Variants in COG4 observed in about 807,000 individuals in gnomAD.
COG4 encodes conserved oligomeric Golgi complex subunit 4.
COG4 carries 65 observed loss-of-function variants against 95.1 expected under a neutral mutation model. That is an observed-to-expected ratio of 0.68 (90% CI 0.56 to 0.84). The LOEUF (loss-of-function observed/expected upper bound fraction) is 0.84, where lower values mean the gene tolerates loss of function less well. Ranked by LOEUF, COG4 falls within the 40% of genes least tolerant of loss-of-function variation. COG4 has a pLI of 0.00. For missense variants in COG4, 1,045 were observed against 989.1 expected (o/e 1.06, Z -0.76); for synonymous variants, 421 against 374.8 (o/e 1.12, Z -1.42).
chr16:70,508,319 A>T, intron 8 of COG4, 87 bp downstream of exon 8: 1 of 1,094,002 alleles, frequency 9.1e-7, no homozygotes, highest in Non-Finnish European at 1.4e-6. Flanking sequence ...AAAAACATAG[A>T]CCACATTGTA....
chr16:70,515,628 C>T (rs1442029649), intron 3 of COG4, among the ~76,000 whole-genome samples: 1 of 152,004 alleles, frequency 6.6e-6, no homozygotes, highest in African/African-American at 2.4e-5. Context: ...AGGTTGCACA[C>T]GCTGAGATCA....
chr16:70,484,752 A>G (rs1302977794), intron 13 of COG4, among the ~76,000 whole-genome samples: 2 of 152,202 alleles, frequency 1.3e-5, no homozygotes, highest in African/African-American at 2.4e-5. Flanking sequence ...TTAAAGAATT[A>G]GCTGGATGTA....
chr16:70,516,302 T>C (rs1018312173), intron 3 of COG4, among the ~76,000 whole-genome samples: 1 of 114,824 alleles, frequency 8.7e-6, no homozygotes, highest in Non-Finnish European at 1.5e-5. Context: ...TTGAGTTAAA[T>C]TTTTTTTTTT....
At chr16:70,506,619 A>AAAAAC in intron 8 of COG4, among the ~76,000 whole-genome samples, 2 of 98,736 alleles carry the variant, frequency 2.0e-5, no homozygotes, top group African/African-American at 1.2e-4. Context: ...AAAAAAAAAC[A>AAAAAC]AAAAAAAAAA....
At position 70,487,070 on chromosome 16, in the gene COG4, C is replaced by T. The variant is rs186877675; in HGVS notation, c.1711-3101G>A. On this transcript the variant is annotated intron_variant, in intron 13 of 18. Transcript: ENST00000323786. The stretch of plus-strand genomic sequence containing the variant: ...CTATGGGAGGCTGAGGTGGGCGGAT[C>T]GCCTGAGGTCGGGAATTTGAGACCA... Among the ~76,000 whole-genome samples the T allele has an allele frequency of 4.5e-4, 68 of 151,414 alleles. 1 individual carries two copies. The highest frequency in any genetic ancestry group is 6.9e-3 in the Middle Eastern group (2 of 290).
Position 70,509,284 on chromosome 16 carries a change from G to C in COG4, c.949C>G (p.Gln317Glu). The change falls in exon 7 of 19, where the codon CAG becomes GAG. Residue 317 changes from glutamine to glutamate, a missense_variant. Transcript: ENST00000323786. ...IKYLQVECDR[Q>E]VEKVVDKFIK... The stretch of plus-strand genomic sequence containing the variant: ...AACTTGTCTACCACCTTCTCCACCT[G>C]TCTGTCACATTCCACCTGCAGATAT... The C allele has an allele frequency of 1.2e-6, 2 of 1,614,104 alleles. No homozygotes were observed. Among genetic ancestry groups the C allele is most frequent in the Non-Finnish European group, 1.7e-6 (2 of 1,180,028 alleles).
chr16:70,507,142 G>A (rs949985371), intron 8 of COG4, among the ~76,000 whole-genome samples: 2 of 152,152 alleles, frequency 1.3e-5, no homozygotes, highest in African/African-American at 4.8e-5. Flanking sequence ...GGAGGCCGAG[G>A]TGGGAGGATT....
intron 12 of COG4, among the ~76,000 whole-genome samples, chr16:70,493,416 T>C (rs897331514): frequency 1.3e-5 from 2 of 152,092 alleles, no homozygotes; most frequent in African/African-American, 4.8e-5. Flanking sequence ...GGATTTTTAA[T>C]TTAAATGTAA....
intron 8 of COG4, 51 bp downstream of exon 8, chr16:70,508,355 T>C (rs2049622901): frequency 7.0e-7 from 1 of 1,427,436 alleles, no homozygotes; most frequent in Non-Finnish European, 9.9e-7. Flanking sequence ...TTATATTACA[T>C]GATTACCAAT....
intron 13 of COG4, among the ~76,000 whole-genome samples, chr16:70,487,848 G>A (rs139912765): frequency 0.023 from 3,452 of 151,584 alleles, 240 homozygotes; most frequent in East Asian, 0.21. Flanking sequence ...TTTTTGAGAC[G>A]GAGTCTTACT....
At chr16:70,523,298 C>T (rs913695297) in intron 1 of COG4, 75 bp downstream of exon 1, 10 of 1,573,528 alleles carry the variant, frequency 6.4e-6, no homozygotes, top group Middle Eastern at 1.7e-4. Flanking sequence ...GAGTTTCCCA[C>T]AGCCCGGATT....
intron 8 of COG4, among the ~76,000 whole-genome samples, chr16:70,506,593 C>CAAA (rs1237710539): frequency 0.044 from 640 of 14,504 alleles, 221 homozygotes; most frequent in East Asian, 0.19. Flanking sequence ...GAGACTGCCT[C>CAAA]AAAAAAAAAA....
chr16:70,481,235 G>A lies in COG4; in HGVS notation c.2236-91C>T, dbSNP rs552598688. 231 of 1,606,652 alleles carry A rather than the reference G, an allele frequency of 1.4e-4. 2 individuals are homozygous for A. The highest frequency in any genetic ancestry group is 2.7e-4 in the African/African-American group (20 of 74,920). On this transcript the variant is annotated intron_variant, in intron 18 of 18. Coordinates refer to ENST00000323786, the MANE Select transcript of COG4 (RefSeq NM_015386.3). ...TACCAGGGGCAGAGCAGGGGCACCCGGGAAGGGGAAGGTGTCCTATAGAGC... is the reference window on the plus strand; with the variant it reads ...TACCAGGGGCAGAGCAGGGGCACCCAGGAAGGGGAAGGTGTCCTATAGAGC...
chr16:70,514,429 C>T lies in COG4; in HGVS notation c.450G>A (p.Leu150=). The T allele has an allele frequency of 1.2e-6, 2 of 1,614,076 alleles. No homozygotes were observed. Among genetic ancestry groups the T allele is most frequent in the Non-Finnish European group, 1.7e-6 (2 of 1,179,952 alleles). Residue 150 remains leucine, a synonymous_variant, in exon 4 of 19, where the codon TTG becomes TTA. Transcript: ENST00000323786. ...CAGCCTGCTCATAATCTTCACTCCT[C>T]AAAGCAGTCTGAACTCCATCCATGC... ...KFCMDGVQTA[L]RSEDYEQAAA...
chr16:70,489,425 G>A (rs754855865), intron 13 of COG4, among the ~76,000 whole-genome samples: 55 of 151,404 alleles, frequency 3.6e-4, no homozygotes, highest in Admixed American at 1.4e-3. Context: ...CACCATCTTG[G>A]CCAGGCTGGT....
At chr16:70,506,232 C>G (rs2049563341) in intron 8 of COG4, among the ~76,000 whole-genome samples, 1 of 150,610 alleles carries the variant, frequency 6.6e-6, no homozygotes, top group Non-Finnish European at 1.5e-5. Flanking sequence ...CCTGTCTCTA[C>G]TAAAAATACA....
chr16:70,518,943 C>T (rs1279782679), intron 2 of COG4, among the ~76,000 whole-genome samples: 4 of 150,852 alleles, frequency 2.7e-5, no homozygotes, highest in Admixed American at 2.6e-4. Context: ...TGCCACTGCA[C>T]TCCAGCCTGG....
chr16:70,482,677 GC>G, intron 15 of COG4, 51 bp downstream of exon 15: 1 of 1,445,856 alleles, frequency 6.9e-7, no homozygotes, highest in Non-Finnish European at 9.7e-7. Context: ...TCTAGCTGGG[GC>G]TAGGGATGAG....
At chr16:70,509,675 G>T (rs2049656814) in intron 6 of COG4, among the ~76,000 whole-genome samples, 2 of 152,296 alleles carry the variant, frequency 1.3e-5, no homozygotes, top group South Asian at 4.1e-4. Context: ...TTATTTTAGG[G>T]TTAAATTTAT....
Sources: allele counts gnomAD v4.1 joint callset (sites outside exome capture counted in the v4.1 genomes callset), GRCh38; gene constraint gnomAD v4.1.1; transcripts MANE v1.5; gene names NCBI Gene and HGNC (gene_info 2026-07-23, HGNC 2026-07-21).